Variants in SMYD2 observed in about 807,000 individuals in gnomAD.
The protein encoded by SMYD2 is SET and MYND domain containing 2, also known as N-lysine methyltransferase SMYD2.
In SMYD2, 53 loss-of-function variants were observed where a neutral mutation model predicts 59.1. That is an observed-to-expected ratio of 0.90 (90% CI 0.72 to 1.13). SMYD2 has a LOEUF of 1.13. Among genes scored for constraint, SMYD2 ranks in the 50% most tolerant of loss-of-function variants. SMYD2 has a pLI of 0.00. For synonymous variants in SMYD2, 208 were observed against 198.8 expected, an observed-to-expected ratio of 1.05 and a Z score of -0.39; for missense variants, 494 against 544.7, an observed-to-expected ratio of 0.91 and a Z score of 0.93.
chr1:214,331,938 C>T lies in SMYD2; in HGVS notation c.938-80C>T, dbSNP rs912560593. On this transcript the variant is annotated intron_variant, in intron 9 of 11. Transcript: ENST00000366957. The stretch of plus-strand genomic sequence containing the variant: ...GGGGTAAGGGTGAGAGTGGAGTGGA[C>T]GAAATAACTCCTTGAACCCAGCCTG... 3.0e-5 allele frequency: 41 copies of T among 1,379,740 alleles called. No individual in the cohort carries two copies. The African/African-American group carries it at 3.3e-4, about 11-fold the overall frequency. 85.5% of individuals were successfully genotyped at this position (1,379,740 alleles called of 1,614,324 possible). A position where few individuals can be genotyped will look rare whatever the true frequency, so the allele number is the denominator to read the frequency against.
intron 1 of SMYD2, among the ~76,000 whole-genome samples, chr1:214,283,284 T>C (rs1656478167): frequency 6.6e-6 from 1 of 152,320 alleles, no homozygotes; most frequent in African/African-American, 2.4e-5. Context: ...TGCTGCCTCT[T>C]TTGTTGTTAA....
At chr1:214,298,192 G>A (rs1656764036) in intron 1 of SMYD2, among the ~76,000 whole-genome samples, 2 of 152,170 alleles carry the variant, frequency 1.3e-5, no homozygotes, top group Admixed American at 1.3e-4. Flanking sequence ...GCATGGTATG[G>A]TTACAAAACA....
rs1196529681 is a variant in SMYD2, at chr1:214,334,222, C to G, written c.1135C>G (p.Leu379Val). 2 of 1,613,990 alleles carry G rather than the reference C, an allele frequency of 1.2e-6. No homozygotes were observed. The highest frequency in any genetic ancestry group is 2.2e-5 in the East Asian group (1 of 44,872). The change falls in exon 11 of 12, where the codon CTC becomes GTC. Residue 379 changes from leucine (L) to valine (V), a missense_variant. Coordinates refer to ENST00000366957, the MANE Select transcript of SMYD2 (RefSeq NM_020197.3). Reference protein sequence around the residue: ...PYSKHYPLYSLNVASMWLKLG... With the variant: ...PYSKHYPLYSVNVASMWLKLG... Reference sequence around the variant, plus strand: ...TAGTAAGCACTATCCTTTGTACTCCCTCAACGTGGCCTCCATGTGGTTGAA... The same window carrying G: ...TAGTAAGCACTATCCTTTGTACTCCGTCAACGTGGCCTCCATGTGGTTGAA...
In SMYD2 at chr1:214,312,572, G is replaced by T. The variant is rs532073373; in HGVS notation, c.238-2190G>T. Reference sequence around the variant, plus strand: ...CTTGAGAAGGTGACATTCCAGCAGCGGCTGGAGAGGAGGGAGGGAGTCACA... The same window carrying T: ...CTTGAGAAGGTGACATTCCAGCAGCTGCTGGAGAGGAGGGAGGGAGTCACA... On this transcript the variant is annotated intron_variant, in intron 2 of 11. Coordinates refer to ENST00000366957, the MANE Select transcript of SMYD2 (RefSeq NM_020197.3). This position sits in a 1 kb window ranked among gnomAD's most constrained non-coding sequence, Gnocchi z 4.1. Among the ~76,000 whole-genome samples, 1 of 152,160 alleles carries T rather than the reference G, an allele frequency of 6.6e-6. No homozygotes were observed. The highest frequency in any genetic ancestry group is 1.5e-5 in the Non-Finnish European group (1 of 68,026).
At chr1:214,320,657 T>C (rs1657158923) in intron 5 of SMYD2, among the ~76,000 whole-genome samples, 1 of 152,208 alleles carries the variant, frequency 6.6e-6, no homozygotes, top group African/African-American at 2.4e-5. Flanking sequence ...TCATCACTTC[T>C]GCCCACTTCA....
intron 1 of SMYD2, among the ~76,000 whole-genome samples, chr1:214,286,749 CAA>C (rs5780769): frequency 4.2e-5 from 3 of 72,060 alleles, no homozygotes; most frequent in Non-Finnish European, 2.5e-5. Context: ...GCCTCCATCT[CAA>C]AAAAAAAAAA....
intron 1 of SMYD2, among the ~76,000 whole-genome samples, chr1:214,290,604 C>T (rs777676307): frequency 2.0e-5 from 3 of 151,940 alleles, no homozygotes; most frequent in Non-Finnish European, 2.9e-5. Context: ...CCAGGGGACG[C>T]GGAGTCACCA....
chr1:214,326,496 C>T (rs1036169175), intron 6 of SMYD2, among the ~76,000 whole-genome samples: 2 of 152,102 alleles, frequency 1.3e-5, no homozygotes, highest in African/African-American at 4.8e-5. Context: ...GACCTGATTC[C>T]TTGGGCATCA....
intron 3 of SMYD2, among the ~76,000 whole-genome samples, chr1:214,316,370 A>G (rs1657085410): frequency 2.0e-5 from 3 of 152,004 alleles, no homozygotes; most frequent in South Asian, 4.2e-4. Flanking sequence ...GGTCCCAGCT[A>G]TTCTGGAGGC....
At chr1:214,310,339 C>G (rs1656979756) in intron 2 of SMYD2, among the ~76,000 whole-genome samples, 1 of 152,112 alleles carries the variant, frequency 6.6e-6, no homozygotes, top group Non-Finnish European at 1.5e-5. Flanking sequence ...TTCCATATCT[C>G]ACCTTTTTTA....
chr1:214,314,715 C>T (rs1268418070), intron 2 of SMYD2, 47 bp from the exon 3 acceptor site: 1 of 1,413,284 alleles, frequency 7.1e-7, no homozygotes, highest in East Asian at 2.3e-5. Context: ...ACACTTTATT[C>T]CAGTGTATGT....
intron 1 of SMYD2, among the ~76,000 whole-genome samples, chr1:214,304,106 A>G (rs1438614541): frequency 6.6e-6 from 1 of 152,212 alleles, no homozygotes; most frequent in South Asian, 2.1e-4. Context: ...AACAGTTGGG[A>G]AGCAACAATG....
intron 1 of SMYD2, among the ~76,000 whole-genome samples, chr1:214,281,869 G>T (rs1656455690): frequency 6.6e-6 from 1 of 152,220 alleles, no homozygotes; most frequent in Non-Finnish European, 1.5e-5. Context: ...CCACAGTCCA[G>T]CCCTGCCTCA....
chr1:214,282,492 TCA>T (rs1491395576), intron 1 of SMYD2, among the ~76,000 whole-genome samples: 2 of 152,314 alleles, frequency 1.3e-5, no homozygotes, highest in Admixed American at 6.5e-5. Flanking sequence ...TCTTTGAACC[TCA>T]GTTTCTTCAT....
intron 1 of SMYD2, among the ~76,000 whole-genome samples, chr1:214,283,134 A>G (rs1656475343): frequency 6.6e-6 from 1 of 152,204 alleles, no homozygotes; most frequent in African/African-American, 2.4e-5. Context: ...GGATGAGAAG[A>G]ACTGAGAGAT....
In SMYD2 at chr1:214,312,753, G is replaced by A. The variant is rs1657017654; in HGVS notation, c.238-2009G>A. Reference sequence around the variant, plus strand: ...GTGGGGGATGATGGGCTGGGGTGGTGCAGGGACGCTCCCATCACGTGTGGC... The same window carrying A: ...GTGGGGGATGATGGGCTGGGGTGGTACAGGGACGCTCCCATCACGTGTGGC... On this transcript the variant is annotated intron_variant, in intron 2 of 11. Transcript: ENST00000366957. This position sits in a 1 kb window ranked among gnomAD's most constrained non-coding sequence, Gnocchi z 4.1. Among the ~76,000 whole-genome samples, 1 of 152,204 alleles carries A rather than the reference G, an allele frequency of 6.6e-6. No homozygotes were observed. The highest frequency in any genetic ancestry group is 2.4e-5 in the African/African-American group (1 of 41,452).
chr1:214,319,032 A>G, intron 5 of SMYD2, 49 bp downstream of exon 5: 1 of 1,601,356 alleles, frequency 6.2e-7, no homozygotes. Context: ...TTCCCTCTCC[A>G]AGGCCCTCTC....
At chr1:214,313,927 C>G (rs1398438177) in intron 2 of SMYD2, among the ~76,000 whole-genome samples, 6 of 151,998 alleles carry the variant, frequency 3.9e-5, no homozygotes, top group Admixed American at 3.3e-4. Context: ...GCCTGTAATC[C>G]CTGCACTTTG....
At chr1:214,323,653 C>T (rs2102473929) in intron 5 of SMYD2, among the ~76,000 whole-genome samples, 1 of 152,308 alleles carries the variant, frequency 6.6e-6, no homozygotes, top group East Asian at 1.9e-4. Flanking sequence ...GTTGGCCAGA[C>T]TGGTCTTGAA....
Sources: allele counts gnomAD v4.1 joint callset (sites outside exome capture counted in the v4.1 genomes callset), GRCh38; gene constraint gnomAD v4.1.1; non-coding constraint Gnocchi (gnomAD v3.1); transcripts MANE v1.5; gene names NCBI Gene and HGNC (gene_info 2026-07-23, HGNC 2026-07-21).